EML1: variants seen among roughly 807,000 people sequenced by gnomAD.
EML1 encodes EMAP like 1.
In EML1, 27 loss-of-function variants were observed where a neutral mutation model predicts 110.4. The ratio of observed to expected loss-of-function variants is 0.24; its 90% CI spans 0.18 to 0.34. The LOEUF (loss-of-function observed/expected upper bound fraction) is 0.34. Among genes scored for constraint, EML1 ranks in the 10% least tolerant of loss-of-function variants. EML1 has a pLI of 1.00. For synonymous variants in EML1, 344 were observed against 385.8 expected, an observed-to-expected ratio of 0.89 and a Z score of 1.27; for missense variants, 741 against 1,030.9, an observed-to-expected ratio of 0.72 and a Z score of 3.85.
chr14:99,813,453 G>A (rs1203576315), intron 1 of EML1, among the ~76,000 whole-genome samples: 5 of 152,228 alleles, frequency 3.3e-5, no homozygotes, highest in African/African-American at 9.6e-5. Flanking sequence ...GGTGGCTCAC[G>A]CCTGTAATCC....
chr14:99,867,111 T>G (rs974112720), intron 3 of EML1, among the ~76,000 whole-genome samples: 1 of 152,158 alleles, frequency 6.6e-6, no homozygotes, highest in Non-Finnish European at 1.5e-5. Flanking sequence ...GTCCCCAGTG[T>G]CTCTTATCCC....
intron 1 of EML1, among the ~76,000 whole-genome samples, chr14:99,831,303 G>A (rs890086696): frequency 1.3e-5 from 2 of 152,114 alleles, no homozygotes; most frequent in Non-Finnish European, 2.9e-5. Context: ...TTGATCATCC[G>A]GTCGTAGTCT....
intron 1 of EML1, among the ~76,000 whole-genome samples, chr14:99,840,108 A>T (rs1481104835): frequency 6.6e-6 from 1 of 152,264 alleles, no homozygotes; most frequent in Non-Finnish European, 1.5e-5. Flanking sequence ...TTCCGTGAAC[A>T]ACGTATAATA....
intron 1 of EML1, among the ~76,000 whole-genome samples, chr14:99,741,515 C>G (rs17098952): frequency 0.031 from 4,728 of 152,156 alleles, 261 homozygotes; most frequent in African/African-American, 0.11. Flanking sequence ...TGCCTGAAGT[C>G]AAGGATGGTT....
chr14:99,856,978 A>G lies in EML1; in HGVS notation c.250+5943A>G, dbSNP rs575116886. ...ATTTCTAAGATATAGACTCTTTTTT[A>G]AAGTCCATAATGGCTGGGCATGGTG... On this transcript the variant is annotated intron_variant, in intron 2 of 21. Coordinates refer to ENST00000262233, the MANE Select transcript of EML1 (RefSeq NM_004434.3). 5.8e-4 allele frequency among the ~76,000 whole-genome samples: 89 copies of G among 152,212 alleles called. 1 individual carries two copies. The highest frequency in any genetic ancestry group is 9.7e-4 in the Non-Finnish European group (66 of 68,040).
At chr14:99,739,307 G>A (rs971150197) in intron 1 of EML1, among the ~76,000 whole-genome samples, 9 of 152,044 alleles carry the variant, frequency 5.9e-5, no homozygotes, top group Non-Finnish European at 1.3e-4. Flanking sequence ...CACACCTGAC[G>A]CTAACCCGGA....
chr14:99,773,758 T>A (rs2057451617), exon 1 of EML1: 1 of 151,734 alleles, frequency 6.6e-6, no homozygotes, highest in South Asian at 2.1e-4. Flanking sequence ...TGGGCGCCGC[T>A]CCCCCTCCCC....
chr14:99,837,213 A>G (rs948576228), intron 1 of EML1, among the ~76,000 whole-genome samples: 1 of 152,116 alleles, frequency 6.6e-6, no homozygotes, highest in African/African-American at 2.4e-5. Flanking sequence ...TGTCTCAGCA[A>G]CTTAGGGAGA....
chr14:99,936,320 A>T lies in EML1; in HGVS notation c.2081A>T (p.Tyr694Phe), dbSNP rs754048368. Residue 694 changes from tyrosine to phenylalanine, a missense_variant, in exon 19 of 22, where the codon TAC becomes TTC. Around this residue, in one of 4 missense-constraint regions of EML1, gnomAD observed 388 missense variants for 605.6 expected, o/e 0.64. Transcript: ENST00000262233. This position sits in a 1 kb window ranked among gnomAD's most constrained non-coding sequence, Gnocchi z 5.5. ...SQFLVSNSGD[Y>F]EILYWVPSAC... ...TTCCTCGTGTCAAATTCCGGAGACT[A>T]CGAAATCCTCTACTGTGAGTACCAC... The T allele has an allele frequency of 2.5e-6, 4 of 1,613,316 alleles. No homozygotes were observed. The South Asian group carries it at 4.4e-5, about 18-fold the overall frequency.
At chr14:99,917,051 C>T (rs1161489161) in intron 15 of EML1, among the ~76,000 whole-genome samples, 3 of 152,136 alleles carry the variant, frequency 2.0e-5, no homozygotes, top group Non-Finnish European at 4.4e-5. Flanking sequence ...TGTTTTGCAC[C>T]CAGTGGGCAC....
At chr14:99,744,847 G>T (rs1175949000) in intron 1 of EML1, among the ~76,000 whole-genome samples, 1 of 152,226 alleles carries the variant, frequency 6.6e-6, no homozygotes, top group African/African-American at 2.4e-5. Context: ...GTACAAAAGA[G>T]GGTGTTGGAA....
intron 1 of EML1, among the ~76,000 whole-genome samples, chr14:99,794,289 A>G (rs923489459): frequency 6.6e-6 from 1 of 151,644 alleles, no homozygotes; most frequent in Non-Finnish European, 1.5e-5. Context: ...CACACTGAAT[A>G]TTTTATCAGA....
chr14:99,744,143 T>C (rs1331849846), intron 1 of EML1, among the ~76,000 whole-genome samples: 1 of 152,188 alleles, frequency 6.6e-6, no homozygotes, highest in East Asian at 1.9e-4. Flanking sequence ...TTTCTTACTC[T>C]TTTTTTACAT....
chr14:99,809,988 C>G (rs943713304), intron 1 of EML1, among the ~76,000 whole-genome samples: 1 of 152,190 alleles, frequency 6.6e-6, no homozygotes, highest in Non-Finnish European at 1.5e-5. Context: ...AACCAGACAG[C>G]CGAGCCGGCC....
intron 17 of EML1, among the ~76,000 whole-genome samples, chr14:99,923,640 C>CAATGACACTTTTGTCAAAAAT (rs1595488252): frequency 2.0e-4 from 3 of 15,184 alleles, no homozygotes; most frequent in Non-Finnish European, 4.4e-4. Context: ...TCAGTTCTGC[C>CAATGACACTTTTGTCAAAAAT]CCCTTCACCT....
At chr14:99,790,085 G>C (rs139687442), upstream of EML1, among the ~76,000 whole-genome samples, 2 of 152,166 alleles carry the variant, frequency 1.3e-5, no homozygotes, top group South Asian at 2.1e-4. Context: ...GAAAAACATA[G>C]CTGTTTAATA....
At chr14:99,833,255 T>A (rs1445720083) in intron 1 of EML1, among the ~76,000 whole-genome samples, 1 of 152,236 alleles carries the variant, frequency 6.6e-6, no homozygotes, top group Non-Finnish European at 1.5e-5. Flanking sequence ...GCCTAATTTG[T>A]TGAAAAGACT....
chr14:99,825,492 A>G (rs2058337251), intron 1 of EML1, among the ~76,000 whole-genome samples: 2 of 152,170 alleles, frequency 1.3e-5, no homozygotes, highest in African/African-American at 4.8e-5. Context: ...ATCACATACT[A>G]TCAAGGGGCA....
intron 2 of EML1, among the ~76,000 whole-genome samples, chr14:99,855,383 G>C (rs2058885228): frequency 6.6e-6 from 1 of 152,188 alleles, no homozygotes; most frequent in Non-Finnish European, 1.5e-5. Context: ...CATTGAATCT[G>C]AGGTCAACAG....
Sources: allele counts gnomAD v4.1 joint callset (sites outside exome capture counted in the v4.1 genomes callset), GRCh38; gene constraint gnomAD v4.1.1; regional missense constraint gnomAD v4.1.1; non-coding constraint Gnocchi (gnomAD v3.1); transcripts MANE v1.5; gene names NCBI Gene and HGNC (gene_info 2026-07-23, HGNC 2026-07-21).